Variants in HECW1 observed in about 807,000 individuals in gnomAD.
The protein encoded by HECW1 is E3 ubiquitin-protein ligase HECW1.
HECW1 carries 61 observed loss-of-function variants against 182.3 expected under a neutral mutation model. The observed-to-expected ratio is 0.33, with a 90% CI of 0.27 to 0.41. HECW1 has a LOEUF of 0.41. Ranked by LOEUF, HECW1 falls within the 10% of genes least tolerant of loss-of-function variation. The pLI is 1.00. For synonymous variants in HECW1, 859 were observed against 832.6 expected (o/e 1.03, Z -0.55); for missense variants, 1,739 against 2,108.9 (o/e 0.82, Z 3.44).
intron 2 of HECW1, among the ~76,000 whole-genome samples, chr7:43,211,080 T>G (rs192289556): frequency 6.6e-6 from 1 of 152,268 alleles, no homozygotes; most frequent in East Asian, 1.9e-4. Context: ...TTTCTTTACC[T>G]CCTATTTTTG....
At chr7:43,395,544 G>A (rs2075198773) in intron 6 of HECW1, among the ~76,000 whole-genome samples, 2 of 152,198 alleles carry the variant, frequency 1.3e-5, no homozygotes, top group South Asian at 4.1e-4. Context: ...ACAGACATGT[G>A]TCAAAGAATT....
chr7:43,221,924 A>T (rs1015443472), intron 2 of HECW1, among the ~76,000 whole-genome samples: 5 of 152,158 alleles, frequency 3.3e-5, no homozygotes, highest in African/African-American at 9.7e-5. Context: ...AGAGACGATT[A>T]TGAGATGCAG....
intron 17 of HECW1, among the ~76,000 whole-genome samples, chr7:43,481,084 G>A (rs2078417739): frequency 1.3e-5 from 2 of 152,132 alleles, no homozygotes; most frequent in South Asian, 4.1e-4. Context: ...TATATATAAG[G>A]TGTATGTGAC....
intron 24 of HECW1, among the ~76,000 whole-genome samples, chr7:43,540,649 T>TG (rs1340819089): frequency 6.6e-6 from 1 of 152,208 alleles, no homozygotes. Context: ...TACCATATTG[T>TG]GATTCTATGT....
chr7:43,489,522 GCTTTGCCAGCTGAGCAGAGCTGAGATCTA>G, intron 17 of HECW1, among the ~76,000 whole-genome samples: 1 of 152,338 alleles, frequency 6.6e-6, no homozygotes, highest in East Asian at 1.9e-4. Context: ...CTGGTGTCTG[GCTTTGCCAGCTGAGCAGAGCTGAGATCTA>G]ATGACATCAA....
At chr7:43,150,793 T>G (rs1350614404) in intron 2 of HECW1, 1 of 153,944 alleles carries the variant, frequency 6.5e-6, no homozygotes, top group Non-Finnish European at 1.5e-5. Context: ...AGTCCCAAGT[T>G]GACACCTGCC....
In HECW1 at chr7:43,126,045, C is replaced by T. The variant is rs539462088; in HGVS notation, c.-32+11654C>T. On this transcript the variant is annotated intron_variant, in intron 2 of 29. Transcript: ENST00000395891. ...AAAATCCATGTAAATGCAAGGCGTGCGTGTATATGAGTTTGTTCTCACTTT... is the reference window on the plus strand; with the variant it reads ...AAAATCCATGTAAATGCAAGGCGTGTGTGTATATGAGTTTGTTCTCACTTT... 1.2e-4 allele frequency among the ~76,000 whole-genome samples: 16 copies of T among 137,878 alleles called. No individual in the cohort carries two copies. In the South Asian group the frequency reaches 3.6e-3, roughly 31 times the overall value. 90.5% of individuals were successfully genotyped at this position (137,878 alleles called of 152,430 possible).
intron 6 of HECW1, among the ~76,000 whole-genome samples, chr7:43,387,264 C>T (rs117991562): frequency 0.014 from 2,137 of 152,112 alleles, 25 homozygotes; most frequent in Middle Eastern, 0.027. Context: ...GTTATGGAAA[C>T]GGATTCATCT....
intron 8 of HECW1, among the ~76,000 whole-genome samples, chr7:43,410,206 A>G (rs2075754547): frequency 6.6e-6 from 1 of 152,238 alleles, no homozygotes; most frequent in African/African-American, 2.4e-5. Context: ...TGGCTTAAAC[A>G]ACAGATATGT....
chr7:43,534,130 C>T (rs1371400420), intron 24 of HECW1, among the ~76,000 whole-genome samples: 5 of 152,112 alleles, frequency 3.3e-5, no homozygotes, highest in East Asian at 1.9e-4. Flanking sequence ...ATATCACTTT[C>T]GTATAAAAGG....
In HECW1 at chr7:43,129,552, C is replaced by T. The variant is rs187877538; in HGVS notation, c.-32+15161C>T. On this transcript the variant is annotated intron_variant, in intron 2 of 29. Transcript: ENST00000395891. ...GTATGATCCATTTTGTTGAGATAGT[C>T]ACTTTATTGCAGTGGTCTGGAACTG... 2.3e-4 allele frequency among the ~76,000 whole-genome samples: 35 copies of T among 152,172 alleles called. 1 individual carries two copies. In the East Asian group the frequency reaches 6.3e-3, roughly 27 times the overall value.
intron 26 of HECW1, among the ~76,000 whole-genome samples, chr7:43,543,994 T>C (rs1459624986): frequency 2.6e-5 from 4 of 152,176 alleles, no homozygotes; most frequent in Non-Finnish European, 5.9e-5. Context: ...GTAAAAGTTT[T>C]AAGTTAGATC....
At chr7:43,236,830 G>A (rs1284984879) in intron 2 of HECW1, among the ~76,000 whole-genome samples, 1 of 152,164 alleles carries the variant, frequency 6.6e-6, no homozygotes, top group Non-Finnish European at 1.5e-5. Context: ...GGCACATTAT[G>A]AGGGAGTTGT....
At chr7:43,231,906 C>T (rs934270512) in intron 2 of HECW1, among the ~76,000 whole-genome samples, 1 of 151,444 alleles carries the variant, frequency 6.6e-6, no homozygotes, top group African/African-American at 2.4e-5. Flanking sequence ...CCTGTAGTCC[C>T]AGCTACTTGG....
At chr7:43,223,767 T>C (rs1056144869) in intron 2 of HECW1, among the ~76,000 whole-genome samples, 1 of 152,218 alleles carries the variant, frequency 6.6e-6, no homozygotes. Context: ...ACTCTGCCTC[T>C]CTGCCCTTGC....
intron 18 of HECW1, 101 bp from the exon 19 acceptor site, chr7:43,492,983 C>A: frequency 1.4e-6 from 1 of 706,052 alleles, no homozygotes; most frequent in South Asian, 2.0e-5. Flanking sequence ...GCCCTTCAAA[C>A]TCCTTCATTA....
At chr7:43,234,790 C>T (rs1362320166) in intron 2 of HECW1, among the ~76,000 whole-genome samples, 1 of 152,218 alleles carries the variant, frequency 6.6e-6, no homozygotes, top group African/African-American at 2.4e-5. Context: ...GTGTTGCTCA[C>T]TCACGTATTG....
chr7:43,337,659 G>A (rs1812469132), intron 5 of HECW1, among the ~76,000 whole-genome samples: 3 of 152,188 alleles, frequency 2.0e-5, no homozygotes, highest in Admixed American at 6.5e-5. Flanking sequence ...CTTCATCACA[G>A]CATCTCAGTG....
At chr7:43,355,417 GAC>G (rs1484496810) in intron 5 of HECW1, among the ~76,000 whole-genome samples, 1 of 152,104 alleles carries the variant, frequency 6.6e-6, no homozygotes, top group East Asian at 1.9e-4. Context: ...TGTAAATTGA[GAC>G]AATGTAAAAT....
Sources: allele counts gnomAD v4.1 joint callset (sites outside exome capture counted in the v4.1 genomes callset), GRCh38; gene constraint gnomAD v4.1.1; transcripts MANE v1.5; gene names NCBI Gene and HGNC (gene_info 2026-07-23, HGNC 2026-07-21).